RBM6: variants seen among roughly 807,000 people sequenced by gnomAD.
RBM6 encodes RNA-binding protein 6.
In RBM6, 23 loss-of-function variants were observed where a neutral mutation model predicts 140.4. That is an observed-to-expected ratio of 0.16 (90% CI 0.12 to 0.23). RBM6 has a LOEUF of 0.23. RBM6 is among the 10% of genes least tolerant of loss of function. The probability of loss-of-function intolerance (pLI) is 1.00; values close to 1 mark genes in which losing one functional copy is unlikely to be tolerated. For missense variants in RBM6, 1,139 were observed against 1,386.7 expected (o/e 0.82, Z 2.84); for synonymous variants, 439 against 475.6 (o/e 0.92, Z 1.00).
At chr3:50,028,619 T>C (rs2108815078) in intron 6 of RBM6, among the ~76,000 whole-genome samples, 1 of 152,306 alleles carries the variant, frequency 6.6e-6, no homozygotes, top group South Asian at 2.1e-4. Context: ...AAGGAATAAC[T>C]AGCTAAACCA....
chr3:49,997,929 A>C (rs972205713), intron 5 of RBM6, among the ~76,000 whole-genome samples: 8 of 152,184 alleles, frequency 5.3e-5, no homozygotes, highest in African/African-American at 1.9e-4. Context: ...GAGGAGACTG[A>C]TTTTGTGGTA....
intron 17 of RBM6, among the ~76,000 whole-genome samples, chr3:50,067,186 CAAAAA>C (rs751552449): frequency 1.5e-4 from 3 of 19,556 alleles, no homozygotes; most frequent in Non-Finnish European, 3.4e-4. Context: ...GACTCTATCT[CAAAAA>C]AAAAAAAAAA....
rs2089866928 is a variant in RBM6, at chr3:50,059,849, A to G, written c.2228+103A>G. The G allele has an allele frequency of 1.5e-5, 13 of 842,530 alleles. No individual in the cohort carries two copies. In the Admixed American group the frequency reaches 2.2e-4, roughly 14 times the overall value. 52.2% of individuals were successfully genotyped at this position (842,530 alleles called of 1,614,324 possible). A position where few individuals can be genotyped will look rare whatever the true frequency, so the allele number is the denominator to read the frequency against. On this transcript the variant is annotated intron_variant, in intron 11 of 20. Transcript: ENST00000266022. ...AAACAGTAAAGCATGATGTTTTCCT[A>G]ACATGGACTGCTTCAGATAGGTGTT...
At chr3:49,986,929 A>T (rs2108689646) in intron 5 of RBM6, among the ~76,000 whole-genome samples, 1 of 151,946 alleles carries the variant, frequency 6.6e-6, no homozygotes, top group South Asian at 2.1e-4. Context: ...GGGACTATAG[A>T]CATGCACCAC....
At chr3:50,017,944 T>G (rs184013327) in intron 6 of RBM6, among the ~76,000 whole-genome samples, 14 of 152,286 alleles carry the variant, frequency 9.2e-5, no homozygotes, top group African/African-American at 2.9e-4. Flanking sequence ...TCCTGTATAG[T>G]TATCCCTGCC....
chr3:49,950,246 T>A (rs1341265978), intron 1 of RBM6, among the ~76,000 whole-genome samples: 1 of 152,002 alleles, frequency 6.6e-6, no homozygotes, highest in African/African-American at 2.4e-5. Context: ...GGGAAAAAAT[T>A]AAGAGTGTTT....
intron 6 of RBM6, among the ~76,000 whole-genome samples, chr3:50,021,715 A>G (rs975227982): frequency 7.2e-6 from 1 of 138,940 alleles, no homozygotes; most frequent in Non-Finnish European, 1.5e-5. Context: ...TGATATATTC[A>G]TCTCCATACT....
At chr3:50,058,794 T>G in intron 10 of RBM6, 1 of 289,640 alleles carries the variant, frequency 3.5e-6, no homozygotes, top group Non-Finnish European at 6.7e-6. Context: ...CAGGCGCCTG[T>G]AGTCGCAGCT....
At chr3:50,062,498 G>C (rs1254179205) in intron 15 of RBM6, among the ~76,000 whole-genome samples, 1 of 144,116 alleles carries the variant, frequency 6.9e-6, no homozygotes, top group Non-Finnish European at 1.5e-5. Flanking sequence ...GCAAGACTCT[G>C]TATCAAAAAA....
At position 50,061,160 on chromosome 3, in the gene RBM6, T is replaced by C; in HGVS notation, c.2292T>C (p.Asp764=). ...GATAGGGTAAAAAATATTTCCGAGA[T>C]AGGAGGGGAGGTGGCAGAAATTCAG... ...HYYQGKKYFR[D]RRGGGRNSDW... Residue 764 remains aspartate, a synonymous_variant, in exon 13 of 21, where the codon GAT becomes GAC. Transcript: ENST00000266022. 1 of 1,614,116 alleles carries C rather than the reference T, an allele frequency of 6.2e-7. No homozygotes were observed. The highest frequency in any genetic ancestry group is 8.5e-7 in the Non-Finnish European group (1 of 1,179,994).
At chr3:49,983,603 CTT>C (rs2085409662) in intron 5 of RBM6, among the ~76,000 whole-genome samples, 1 of 152,164 alleles carries the variant, frequency 6.6e-6, no homozygotes, top group Admixed American at 6.5e-5. Flanking sequence ...TATGTAAACA[CTT>C]TTAGTTTCTT....
chr3:50,027,439 G>C (rs756329287), intron 6 of RBM6, among the ~76,000 whole-genome samples: 1 of 152,106 alleles, frequency 6.6e-6, no homozygotes, highest in Non-Finnish European at 1.5e-5. Context: ...ACTGATACCA[G>C]AACATTTCTG....
chr3:50,018,495 T>C (rs573835993), intron 6 of RBM6, among the ~76,000 whole-genome samples: 2 of 151,826 alleles, frequency 1.3e-5, no homozygotes, highest in Non-Finnish European at 2.9e-5. Flanking sequence ...TAAATATCCA[T>C]ATGCATGTTT....
intron 6 of RBM6, among the ~76,000 whole-genome samples, chr3:50,001,478 A>G (rs2086324726): frequency 6.6e-6 from 1 of 152,248 alleles, no homozygotes; most frequent in South Asian, 2.1e-4. Flanking sequence ...ACAGTTAACT[A>G]TTTATATAGT....
Position 50,057,884 on chromosome 3 carries a change from A to C in RBM6, c.1850A>C (p.His617Pro). Residue 617 changes from histidine to proline, a missense_variant, in exon 9 of 21, where the codon CAT (histidine) becomes CCT (proline). His to Pro is a moderately conservative substitution (Grantham distance 77). Around this residue, in one of 9 missense-constraint regions of RBM6, gnomAD observed 109 missense variants for 101.9 expected, o/e 1.07. Coordinates refer to ENST00000266022, the MANE Select transcript of RBM6 (RefSeq NM_005777.3). ...GAAGGCCAAGAGTCACGCTTAGGAC[A>C]TCAAAAGAGAGAAGCAGAAAGGTAT... The part of the protein sequence containing the change: ...REEGQESRLG[H>P]QKREAERYLP... 1 of 1,614,188 alleles carries C rather than the reference A, an allele frequency of 6.2e-7. No individual in the cohort carries two copies. The highest frequency in any genetic ancestry group is 8.5e-7 in the Non-Finnish European group (1 of 1,180,040).
intron 6 of RBM6, among the ~76,000 whole-genome samples, chr3:50,040,465 AAAAAAAATATATATAT>A (rs1178480141): frequency 1.9e-5 from 1 of 53,386 alleles, no homozygotes; most frequent in Non-Finnish European, 3.2e-5. Context: ...AAAAAAAAAA[AAAAAAAATATATATAT>A]ATATATATAT....
intron 17 of RBM6, among the ~76,000 whole-genome samples, chr3:50,066,930 A>T (rs1173063909): frequency 6.6e-6 from 1 of 152,112 alleles, no homozygotes; most frequent in East Asian, 1.9e-4. Context: ...TACACCTGTA[A>T]TCCCAGCACT....
At chr3:50,052,009 A>G (rs1404608425) in intron 7 of RBM6, among the ~76,000 whole-genome samples, 1 of 152,250 alleles carries the variant, frequency 6.6e-6, no homozygotes. Flanking sequence ...TGATGGTTGC[A>G]CTATACATTT....
chr3:49,950,973 A>C (rs531681367), intron 1 of RBM6, among the ~76,000 whole-genome samples: 1 of 152,300 alleles, frequency 6.6e-6, no homozygotes, highest in East Asian at 1.9e-4. Context: ...TGAATAGATA[A>C]GGAAAATGTG....
Sources: allele counts gnomAD v4.1 joint callset (sites outside exome capture counted in the v4.1 genomes callset), GRCh38; gene constraint gnomAD v4.1.1; regional missense constraint gnomAD v4.1.1; transcripts MANE v1.5; gene names NCBI Gene and HGNC (gene_info 2026-07-23, HGNC 2026-07-21).